ZBBX: variants seen among roughly 807,000 people sequenced by gnomAD.
The protein encoded by ZBBX is zinc finger B-box domain containing, also known as zinc finger B-box domain-containing protein 1.
In ZBBX, 101 loss-of-function variants were observed where a neutral mutation model predicts 108.5. The observed-to-expected ratio is 0.93, with a 90% CI of 0.79 to 1.10. ZBBX has a LOEUF of 1.10. Ranked by LOEUF, ZBBX falls within the 50% of genes least tolerant of loss-of-function variation. The probability of loss-of-function intolerance (pLI) is 0.00; values close to 1 mark genes in which losing one functional copy is unlikely to be tolerated. For synonymous variants in ZBBX, 356 were observed against 323.4 expected (o/e 1.10, Z -1.08); for missense variants, 1,009 against 941.4 (o/e 1.07, Z -0.94).
intron 8 of ZBBX, among the ~76,000 whole-genome samples, chr3:167,351,482 G>C (rs1359687600): frequency 6.6e-6 from 1 of 152,126 alleles, no homozygotes; most frequent in Non-Finnish European, 1.5e-5. Context: ...AAGAGAAACA[G>C]GGCTTCCTGC....
At chr3:167,210,897 G>A in the ZBBX span, among the ~76,000 whole-genome samples, 1 of 152,020 alleles carries the variant, frequency 6.6e-6, no homozygotes, top group Admixed American at 6.6e-5. Context: ...CTCCAGCTCT[G>A]CCCTACAAGA....
the ZBBX span, among the ~76,000 whole-genome samples, chr3:167,208,939 T>A: frequency 6.6e-6 from 1 of 151,936 alleles, no homozygotes; most frequent in African/African-American, 2.4e-5. Context: ...GCCACTGCAT[T>A]AACGGGAGAG....
the ZBBX span, among the ~76,000 whole-genome samples, chr3:167,230,821 G>A: frequency 2.0e-5 from 3 of 151,800 alleles, no homozygotes; most frequent in African/African-American, 7.2e-5. Flanking sequence ...GCACCATGGT[G>A]GAATATGATC....
At position 167,305,955 on chromosome 3, in the gene ZBBX, T is replaced by G; in HGVS notation, c.1418-5A>C. 1.3e-6 allele frequency: 2 copies of G among 1,505,604 alleles called. No individual in the cohort carries two copies. 93.3% of individuals were successfully genotyped at this position (1,505,604 alleles called of 1,614,324 possible). A position where few individuals can be genotyped will look rare whatever the true frequency, so the allele number is the denominator to read the frequency against. ...AATCTGTGTTTGAAGTTTCTGCTGTTAAAAACACACAGTTACAAAAGGTAC... is the reference window on the plus strand; with the variant it reads ...AATCTGTGTTTGAAGTTTCTGCTGTGAAAAACACACAGTTACAAAAGGTAC... On this transcript the variant is annotated splice_polypyrimidine_tract_variant and splice_region_variant and intron_variant, in intron 16 of 21. Transcript: ENST00000675490.
rs780748190 is a variant in ZBBX, at chr3:167,350,454, C to T, written c.494G>A (p.Gly165Glu). The T allele has an allele frequency of 1.3e-6, 2 of 1,596,388 alleles. No homozygotes were observed. Among genetic ancestry groups the T allele is most frequent in the Non-Finnish European group, 1.7e-6 (2 of 1,169,078 alleles). ...AGTTGTTCTGTGGAGCTTTAGTGCC[C>T]CTTTCTGGTGAACTTTAGCAAAGCA... ...SGCFAKVHQK[G>E]ALKLHRTTLL... Residue 165 changes from glycine (G) to glutamate (E), a missense_variant, in exon 9 of 22, where the codon GGG becomes GAG. By Grantham distance (98) the Gly-to-Glu change is moderately conservative. Transcript: ENST00000675490.
At chr3:167,286,521 C>A (rs1486468268) in intron 19 of ZBBX, among the ~76,000 whole-genome samples, 9 of 151,966 alleles carry the variant, frequency 5.9e-5, no homozygotes, top group African/African-American at 2.2e-4. Context: ...TGAATTATAG[C>A]AACATGATTT....
chr3:167,360,455 A>C (rs1263382318), intron 7 of ZBBX, among the ~76,000 whole-genome samples: 1 of 151,890 alleles, frequency 6.6e-6, no homozygotes, highest in Admixed American at 6.6e-5. Flanking sequence ...CTTTTGAAAA[A>C]TACTATTACT....
chr3:167,178,887 G>A, the ZBBX span, among the ~76,000 whole-genome samples: 1,382 of 152,114 alleles, frequency 9.1e-3, 28 homozygotes, highest in African/African-American at 0.031. Context: ...CTGTCTCCCC[G>A]CTTTTGCTTT....
the ZBBX span, among the ~76,000 whole-genome samples, chr3:167,204,879 A>C: frequency 4.6e-5 from 7 of 152,092 alleles, no homozygotes; most frequent in Admixed American, 2.0e-4. Flanking sequence ...ATAGAAGATA[A>C]GATATAGAGG....
chr3:167,267,215 C>T (rs998345897), intron 20 of ZBBX, among the ~76,000 whole-genome samples: 3 of 152,140 alleles, frequency 2.0e-5, no homozygotes, highest in Admixed American at 1.3e-4. Context: ...TACTGGCCCA[C>T]CATCCATGAT....
intron 9 of ZBBX, 99 bp downstream of exon 9, chr3:167,350,321 A>C (rs1369897193): frequency 1.2e-6 from 1 of 869,054 alleles, no homozygotes; most frequent in Non-Finnish European, 1.7e-6. Flanking sequence ...AATTAGCGTA[A>C]ATCATCCTGA....
At position 167,317,117 on chromosome 3, in the gene ZBBX, G is replaced by C. The variant is rs1396438564; in HGVS notation, c.1094-12C>G. The C allele has an allele frequency of 6.7e-7, 1 of 1,496,056 alleles. No homozygotes were observed. Among genetic ancestry groups the C allele is most frequent in the Middle Eastern group, 1.7e-4 (1 of 5,774 alleles). The allele number at this position is 1,496,056 out of a possible 1,614,324, so 92.7% of individuals were successfully genotyped here. On this transcript the variant is annotated splice_polypyrimidine_tract_variant and intron_variant, in intron 13 of 21. Coordinates refer to ENST00000675490, the MANE Select transcript of ZBBX (RefSeq NM_001199201.2). ...TTTGGTCTCCTCACCTAGGAAATAA[G>C]ATTCACAAATAATATCATCAAAGAA...
chr3:167,394,469 C>A (rs935782114), intron 1 of ZBBX, among the ~76,000 whole-genome samples: 1 of 151,704 alleles, frequency 6.6e-6, no homozygotes, highest in Non-Finnish European at 1.5e-5. Context: ...TATTTTCCCC[C>A]AAAATAAGCA....
intron 20 of ZBBX, among the ~76,000 whole-genome samples, chr3:167,249,101 T>G (rs1280226404): frequency 6.6e-6 from 1 of 152,224 alleles, no homozygotes; most frequent in African/African-American, 2.4e-5. Flanking sequence ...AGGACTGCCT[T>G]GAGCCTCAGA....
intron 17 of ZBBX, among the ~76,000 whole-genome samples, chr3:167,302,405 T>A (rs761822701): frequency 9.2e-5 from 14 of 152,194 alleles, no homozygotes; most frequent in Non-Finnish European, 2.1e-4. Flanking sequence ...TTTTATCATG[T>A]ACATAATGGT....
At chr3:167,224,655 A>T in the ZBBX span, among the ~76,000 whole-genome samples, 2 of 151,982 alleles carry the variant, frequency 1.3e-5, no homozygotes, top group Non-Finnish European at 2.9e-5. Context: ...ATCATCATTA[A>T]AATGGTGAGA....
chr3:167,358,754 G>A (rs905319855), intron 8 of ZBBX, among the ~76,000 whole-genome samples: 2 of 151,686 alleles, frequency 1.3e-5, no homozygotes, highest in African/African-American at 2.4e-5. Flanking sequence ...GGCTAACATG[G>A]TGAAACCCCA....
chr3:167,372,773 A>T (rs1746344966), intron 4 of ZBBX, 61 bp downstream of exon 4: 1 of 838,416 alleles, frequency 1.2e-6, no homozygotes, highest in African/African-American at 1.7e-5. Flanking sequence ...AATAGTCAAA[A>T]TTACAATATA....
At chr3:167,376,800 A>G (rs1747032737) in intron 2 of ZBBX, among the ~76,000 whole-genome samples, 1 of 152,214 alleles carries the variant, frequency 6.6e-6, no homozygotes, top group Non-Finnish European at 1.5e-5. Flanking sequence ...ATTTCCTTGT[A>G]TGAAGAAAAA....
Sources: allele counts gnomAD v4.1 joint callset (sites outside exome capture counted in the v4.1 genomes callset), GRCh38; gene constraint gnomAD v4.1.1; transcripts MANE v1.5; gene names NCBI Gene and HGNC (gene_info 2026-07-23, HGNC 2026-07-21).